Variants in SFMBT2 observed in about 807,000 individuals in gnomAD.
SFMBT2 encodes the protein scm-like with four MBT domains protein 2.
A neutral mutation model predicts 110.1 loss-of-function variants in SFMBT2; 38 were observed. That is an observed-to-expected ratio of 0.35 (90% CI 0.27 to 0.45). SFMBT2 has a LOEUF of 0.45. Ranked by LOEUF, SFMBT2 falls within the 20% of genes least tolerant of loss-of-function variation. The probability of loss-of-function intolerance (pLI) is 1.00; values close to 1 mark genes in which losing one functional copy is unlikely to be tolerated. For missense variants in SFMBT2, 1,011 were observed against 1,094.9 expected, an observed-to-expected ratio of 0.92 and a Z score of 1.08; for synonymous variants, 425 against 425.4, an observed-to-expected ratio of 1.00 and a Z score of 0.01.
chr10:7,197,746 C>T, intron 14 of SFMBT2, 59 bp from the exon 15 acceptor site: 1 of 1,572,288 alleles, frequency 6.4e-7, no homozygotes, highest in Non-Finnish European at 8.6e-7. Flanking sequence ...CCTAGGGGAC[C>T]CCTAGACCCT....
At chr10:7,274,099 C>G (rs1841690726) in intron 7 of SFMBT2, among the ~76,000 whole-genome samples, 1 of 152,120 alleles carries the variant, frequency 6.6e-6, no homozygotes. Context: ...CTATGCAGCC[C>G]CTGCCCACAT....
intron 12 of SFMBT2, chr10:7,202,891 A>G: frequency 1.0e-6 from 1 of 985,468 alleles, no homozygotes; most frequent in Non-Finnish European, 1.2e-6. Flanking sequence ...AAAAATTGTG[A>G]TGAAGCAAAT....
At chr10:7,332,857 G>C (rs1286159668) in intron 4 of SFMBT2, among the ~76,000 whole-genome samples, 1 of 152,108 alleles carries the variant, frequency 6.6e-6, no homozygotes, top group Non-Finnish European at 1.5e-5. Flanking sequence ...GAGTCTAATG[G>C]AGATGAGGTT....
intron 10 of SFMBT2, among the ~76,000 whole-genome samples, chr10:7,223,931 C>T (rs566204330): frequency 1.3e-5 from 2 of 152,344 alleles, no homozygotes; most frequent in South Asian, 4.1e-4. Context: ...CACTGCTTTA[C>T]ATCACACTTA....
chr10:7,332,035 A>AG (rs1270034753), intron 4 of SFMBT2, among the ~76,000 whole-genome samples: 1 of 143,464 alleles, frequency 7.0e-6, no homozygotes, highest in African/African-American at 2.6e-5. Context: ...AAAAAAAAAA[A>AG]AAGGAAAGGT....
intron 6 of SFMBT2, among the ~76,000 whole-genome samples, chr10:7,279,504 A>G (rs768327069): frequency 3.3e-5 from 5 of 152,162 alleles, no homozygotes; most frequent in African/African-American, 4.8e-5. Context: ...AACAGTCCCC[A>G]TGTGCATTCC....
At chr10:7,174,404 G>A (rs1218497050) in intron 17 of SFMBT2, among the ~76,000 whole-genome samples, 2 of 152,248 alleles carry the variant, frequency 1.3e-5, no homozygotes, top group Non-Finnish European at 2.9e-5. Flanking sequence ...AGGCCAGTAT[G>A]TGTTTGGAGC....
At chr10:7,247,075 C>A (rs1447187762) in intron 8 of SFMBT2, among the ~76,000 whole-genome samples, 2 of 152,156 alleles carry the variant, frequency 1.3e-5, no homozygotes, top group Admixed American at 6.6e-5. Flanking sequence ...ATATATTTTT[C>A]TTTAAATAAC....
At chr10:7,352,664 C>T (rs957213707) in intron 4 of SFMBT2, among the ~76,000 whole-genome samples, 1 of 152,206 alleles carries the variant, frequency 6.6e-6, no homozygotes, top group Non-Finnish European at 1.5e-5. Flanking sequence ...ACACCTCTTG[C>T]TAAGCCAAGG....
At chr10:7,399,202 A>G (rs763952470) in intron 1 of SFMBT2, among the ~76,000 whole-genome samples, 1 of 152,014 alleles carries the variant, frequency 6.6e-6, no homozygotes, top group Non-Finnish European at 1.5e-5. Context: ...GAGTGCATAG[A>G]TATCTCCTAT....
At position 7,176,007 on chromosome 10, in the gene SFMBT2, T is replaced by C. The variant is rs777733021; in HGVS notation, c.1967A>G (p.His656Arg). 1 of 1,613,700 alleles carries C rather than the reference T, an allele frequency of 6.2e-7. No individual in the cohort carries two copies. The highest frequency in any genetic ancestry group is 2.2e-5 in the East Asian group (1 of 44,868). ...SENCPENCSI[H>R]TKTKYTYYYG... The stretch of plus-strand genomic sequence containing the variant: ...GTACTTACTGTATTTGGTTTTGGTA[T>C]GAATGGAGCAGTTCTCTGGGCAGTT... The change falls in exon 17 of 21, where the codon CAT (histidine) becomes CGT (arginine). Residue 656 changes from histidine to arginine, a missense_variant. Transcript: ENST00000397167.
chr10:7,248,630 C>T lies in SFMBT2; in HGVS notation c.890G>A (p.Ser297Asn). ...CTTCATCCCAACTGTGAAGAAATGG[C>T]TTCGCAAATCTGCGTGATCCTGCAG... ...EVFKDHADLR[S>N]HFFTVGMKLE... The change falls in exon 8 of 21, where the codon AGC becomes AAC. Residue 297 changes from serine (S) to asparagine (N), a missense_variant. Transcript: ENST00000397167. The T allele has an allele frequency of 6.2e-7, 1 of 1,614,122 alleles. No individual in the cohort carries two copies. Among genetic ancestry groups the T allele is most frequent in the Non-Finnish European group, 8.5e-7 (1 of 1,179,986 alleles).
intron 8 of SFMBT2, chr10:7,246,121 C>T (rs575490079): frequency 3.7e-5 from 36 of 980,936 alleles, no homozygotes; most frequent in Non-Finnish European, 4.4e-5. Context: ...ATGTGTTATA[C>T]AAAACATGGT....
rs185711240 is a variant in SFMBT2 at position 7,169,135 on chromosome 10, T to A, written c.2544+1793A>T. 6.7e-3 allele frequency among the ~76,000 whole-genome samples: 1,013 copies of A among 152,228 alleles called. 15 individuals are homozygous for A. The highest frequency in any genetic ancestry group is 0.023 in the African/African-American group (973 of 41,550). ...CCACCACCACGCCCAGCTAATTTTT[T>A]TTTTTTCTTCAGTAGAGACAGGGTT... On this transcript the variant is annotated intron_variant, in intron 20 of 20. Transcript: ENST00000397167.
chr10:7,248,157 C>T (rs1840676584), intron 8 of SFMBT2, among the ~76,000 whole-genome samples: 1 of 140,848 alleles, frequency 7.1e-6, no homozygotes, highest in African/African-American at 2.5e-5. Context: ...CACAGAAATG[C>T]TGAGAAAAGG....
At chr10:7,319,188 C>T (rs989688570) in intron 4 of SFMBT2, among the ~76,000 whole-genome samples, 1 of 152,210 alleles carries the variant, frequency 6.6e-6, no homozygotes, top group Non-Finnish European at 1.5e-5. Context: ...AGTCCGCTGG[C>T]AAGGAAGTCA....
intron 6 of SFMBT2, among the ~76,000 whole-genome samples, chr10:7,282,350 C>G (rs1161603856): frequency 1.3e-5 from 2 of 152,214 alleles, no homozygotes; most frequent in Non-Finnish European, 2.9e-5. Flanking sequence ...TAAGAAGCCA[C>G]TAGTCATCCT....
Position 7,170,988 on chromosome 10 carries a change from G to A in SFMBT2, c.2484C>T (p.Asp828=), listed in dbSNP as rs897661040. 25 of 1,614,052 alleles carry A rather than the reference G, an allele frequency of 1.5e-5. No individual in the cohort carries two copies. Among genetic ancestry groups the A allele is most frequent in the East Asian group, 4.5e-5 (2 of 44,896 alleles). The change falls in exon 20 of 21, where the codon GAC becomes GAT. Residue 828 remains aspartate (D), a synonymous_variant. Transcript: ENST00000397167. The surrounding 1 kb of genome is among the most constrained non-coding windows in gnomAD (Gnocchi z 4.6). The part of the protein sequence containing the change: ...ESNPLEWTVT[D]VVRFIKLTDC... ...CTGTCAGCTTAATGAACCTCACCAC[G>A]TCGGTGACCGTCCACTCCAACGGGT...
At chr10:7,298,816 C>G (rs1245982866) in intron 4 of SFMBT2, among the ~76,000 whole-genome samples, 1 of 151,914 alleles carries the variant, frequency 6.6e-6, no homozygotes, top group Non-Finnish European at 1.5e-5. Flanking sequence ...GGTCTAAGAC[C>G]TCTTCCAAGA....
Sources: allele counts gnomAD v4.1 joint callset (sites outside exome capture counted in the v4.1 genomes callset), GRCh38; gene constraint gnomAD v4.1.1; non-coding constraint Gnocchi (gnomAD v3.1); transcripts MANE v1.5; gene names NCBI Gene and HGNC (gene_info 2026-07-23, HGNC 2026-07-21).